RANBP17: variants seen among roughly 807,000 people sequenced by gnomAD.
The protein encoded by RANBP17 is RAN binding protein 17.
In RANBP17, 158 loss-of-function variants were observed where a neutral mutation model predicts 141.2. The observed-to-expected ratio is 1.12, with a 90% CI of 0.98 to 1.28. The LOEUF is 1.28. RANBP17 is among the 50% of genes most tolerant of loss of function. RANBP17 has a pLI of 0.00. For synonymous variants in RANBP17, 430 were observed against 450.0 expected (o/e 0.96, Z 0.56); for missense variants, 1,438 against 1,290.7 (o/e 1.11, Z -1.75).
intron 12 of RANBP17, among the ~76,000 whole-genome samples, chr5:170,952,674 C>T (rs892305504): frequency 1.3e-4 from 20 of 152,070 alleles, no homozygotes; most frequent in African/African-American, 3.6e-4. Flanking sequence ...TACTTGAAAG[C>T]GTTTCTTAAT....
chr5:170,920,317 C>T (rs1581147618), intron 11 of RANBP17, among the ~76,000 whole-genome samples: 1 of 152,282 alleles, frequency 6.6e-6, no homozygotes, highest in South Asian at 2.1e-4. Flanking sequence ...TGTGTTCTCA[C>T]TAGCACTTGA....
At position 171,203,655 on chromosome 5, in the gene RANBP17, G is replaced by A. The variant is rs566067289; in HGVS notation, c.2143-1869G>A. ...AGACCACTTCTATTAATTTGATATC[G>A]TTTAAGGAATGAAAAAATTGTGATA... On this transcript the variant is annotated intron_variant, in intron 19 of 27. Transcript: ENST00000523189. Among the ~76,000 whole-genome samples, 27 of 151,776 alleles carry A rather than the reference G, an allele frequency of 1.8e-4. No individual in the cohort carries two copies. In the South Asian group the frequency reaches 2.9e-3, roughly 16 times the overall value.
At chr5:171,072,421 C>A (rs1784683330) in intron 14 of RANBP17, among the ~76,000 whole-genome samples, 2 of 145,746 alleles carry the variant, frequency 1.4e-5, no homozygotes, top group Admixed American at 6.9e-5. Context: ...TAATAAGAAA[C>A]TAATATAGGA....
chr5:171,229,740 GATAA>G (rs1216204898), intron 22 of RANBP17, among the ~76,000 whole-genome samples: 1 of 127,396 alleles, frequency 7.8e-6, no homozygotes, highest in Non-Finnish European at 1.6e-5. Flanking sequence ...GAGATAGGAA[GATAA>G]ATAAGATGCA....
chr5:171,166,991 T>C (rs1397503575), intron 14 of RANBP17, among the ~76,000 whole-genome samples: 1 of 152,190 alleles, frequency 6.6e-6, no homozygotes, highest in Non-Finnish European at 1.5e-5. Context: ...GACAAAAGCA[T>C]TGACACAGTT....
At chr5:170,995,251 T>C (rs1778738834) in intron 14 of RANBP17, among the ~76,000 whole-genome samples, 1 of 152,118 alleles carries the variant, frequency 6.6e-6, no homozygotes, top group South Asian at 2.1e-4. Flanking sequence ...CCAAGCTACG[T>C]ACCCATTTTT....
chr5:170,977,013 C>T (rs1777428836), intron 14 of RANBP17, among the ~76,000 whole-genome samples: 1 of 152,056 alleles, frequency 6.6e-6, no homozygotes, highest in African/African-American at 2.4e-5. Flanking sequence ...CATTTAAAAA[C>T]TTTTGTACTT....
intron 14 of RANBP17, among the ~76,000 whole-genome samples, chr5:171,168,315 A>AATG (rs1160875753): frequency 6.6e-6 from 1 of 152,178 alleles, no homozygotes; most frequent in Non-Finnish European, 1.5e-5. Flanking sequence ...ATTGAGGCAA[A>AATG]ATGACCAGCA....
intron 13 of RANBP17, among the ~76,000 whole-genome samples, chr5:170,963,367 A>G (rs561731956): frequency 6.6e-6 from 1 of 152,218 alleles, no homozygotes; most frequent in African/African-American, 2.4e-5. Context: ...AACAAGAATC[A>G]CAAAAATACC....
At chr5:170,908,176 A>G (rs1771222848) in intron 5 of RANBP17, among the ~76,000 whole-genome samples, 1 of 151,942 alleles carries the variant, frequency 6.6e-6, no homozygotes, top group African/African-American at 2.4e-5. Flanking sequence ...TACTGAGTAT[A>G]TATCCCCCCA....
chr5:171,193,721 C>G (rs1450680324), intron 18 of RANBP17, among the ~76,000 whole-genome samples: 6 of 152,174 alleles, frequency 3.9e-5, no homozygotes, highest in African/African-American at 1.4e-4. Context: ...CAGGCCAAAT[C>G]CTTCCCATGC....
In RANBP17 at chr5:170,993,157, T is replaced by C. The variant is rs543793312; in HGVS notation, c.1710+24780T>C. The stretch of plus-strand genomic sequence containing the variant: ...GGGGGAAAAAGCCACTTGTCCATTA[T>C]ATGTTAAACATTGTGCTAAAATACT... On this transcript the variant is annotated intron_variant, in intron 14 of 27. Transcript: ENST00000523189. Among the ~76,000 whole-genome samples, 21 of 152,220 alleles carry C rather than the reference T, an allele frequency of 1.4e-4. 1 individual carries two copies. In the South Asian group the frequency reaches 4.3e-3, roughly 32 times the overall value.
chr5:170,888,185 G>A (rs975117533), intron 3 of RANBP17, among the ~76,000 whole-genome samples: 5 of 152,046 alleles, frequency 3.3e-5, no homozygotes, highest in Non-Finnish European at 5.9e-5. Context: ...TATGGTGTTC[G>A]GTATTGTGTT....
At chr5:171,193,708 C>T (rs528020006) in intron 18 of RANBP17, among the ~76,000 whole-genome samples, 5 of 152,234 alleles carry the variant, frequency 3.3e-5, no homozygotes, top group East Asian at 3.9e-4. Flanking sequence ...TCTCCAGCAG[C>T]GTCAGGCCAA....
At chr5:171,091,671 A>G (rs981360290) in intron 14 of RANBP17, among the ~76,000 whole-genome samples, 4 of 152,156 alleles carry the variant, frequency 2.6e-5, no homozygotes, top group African/African-American at 9.7e-5. Flanking sequence ...AGGTAACTGA[A>G]TCATTGGGCA....
intron 24 of RANBP17, among the ~76,000 whole-genome samples, chr5:171,263,997 G>A (rs906490611): frequency 6.6e-6 from 1 of 152,188 alleles, no homozygotes; most frequent in African/African-American, 2.4e-5. Flanking sequence ...AGGAGGTCAA[G>A]GCTGCAGTGA....
At chr5:171,048,357 GC>G (rs959898239) in intron 14 of RANBP17, among the ~76,000 whole-genome samples, 1 of 152,094 alleles carries the variant, frequency 6.6e-6, no homozygotes, top group African/African-American at 2.4e-5. Flanking sequence ...AGGATGCCTA[GC>G]CCAAAAGCAT....
At chr5:170,975,831 A>G (rs1261582066) in intron 14 of RANBP17, among the ~76,000 whole-genome samples, 2 of 113,782 alleles carry the variant, frequency 1.8e-5, no homozygotes, top group Non-Finnish European at 4.0e-5. Flanking sequence ...TATAGATGTA[A>G]AAGCTAAAAA....
At chr5:170,964,051 A>G (rs1037159696) in intron 13 of RANBP17, among the ~76,000 whole-genome samples, 4 of 152,184 alleles carry the variant, frequency 2.6e-5, no homozygotes, top group African/African-American at 4.8e-5. Flanking sequence ...CCGTTTTTCA[A>G]CTTTCCAGAA....
Sources: gnomAD v4.1 joint callset for allele counts (sites outside exome capture counted in the v4.1 genomes callset) on GRCh38, gnomAD v4.1.1 for gene constraint, MANE v1.5 for transcripts, NCBI Gene and HGNC (gene_info 2026-07-23, HGNC 2026-07-21) for gene names.